Variants in PIK3R1 observed in about 807,000 individuals in gnomAD.
The protein encoded by PIK3R1 is phosphoinositide-3-kinase regulatory subunit 1, also known as phosphatidylinositol 3-kinase regulatory subunit alpha.
PIK3R1 carries 29 observed loss-of-function variants against 98.0 expected under a neutral mutation model. The ratio of observed to expected loss-of-function variants is 0.30; its 90% CI spans 0.22 to 0.40. PIK3R1 has a LOEUF of 0.40. PIK3R1 is among the 10% of genes least tolerant of loss of function. The pLI is 1.00. For synonymous variants in PIK3R1, 282 were observed against 311.8 expected (o/e 0.90, Z 1.01); for missense variants, 596 against 872.7 (o/e 0.68, Z 3.99).
At chr5:68,292,936 A>G (rs527532527) in intron 8 of PIK3R1, 165 bp from the exon 9 acceptor site, 1 of 679,044 alleles carries the variant, frequency 1.5e-6, no homozygotes, top group East Asian at 2.8e-5. Flanking sequence ...AATGCAATTC[A>G]TTAATTTAAA....
chr5:68,241,733 T>C (rs921834085), intron 2 of PIK3R1, among the ~76,000 whole-genome samples: 1 of 152,222 alleles, frequency 6.6e-6, no homozygotes, highest in African/African-American at 2.4e-5. Context: ...GATGGGTGCT[T>C]CCCAGCACCA....
intron 2 of PIK3R1, among the ~76,000 whole-genome samples, chr5:68,250,920 A>G (rs180875037): frequency 6.6e-6 from 1 of 152,350 alleles, no homozygotes; most frequent in African/African-American, 2.4e-5. Context: ...TGAGCTCAAG[A>G]GGAAGCCTAA....
At chr5:68,239,095 C>T (rs1051641947) in intron 2 of PIK3R1, among the ~76,000 whole-genome samples, 48 of 152,052 alleles carry the variant, frequency 3.2e-4, no homozygotes, top group African/African-American at 1.0e-3. Flanking sequence ...GAGAGGCATT[C>T]GTTGATAAGC....
At chr5:68,293,556 A>G (rs768067642) in intron 10 of PIK3R1, 73 bp downstream of exon 10, 29 of 1,308,922 alleles carry the variant, frequency 2.2e-5, no homozygotes, top group Non-Finnish European at 2.6e-5. Flanking sequence ...AAAACATTTG[A>G]AGCAGATGAA....
At chr5:68,248,826 T>C (rs529924523) in intron 2 of PIK3R1, among the ~76,000 whole-genome samples, 16 of 152,288 alleles carry the variant, frequency 1.1e-4, no homozygotes, top group African/African-American at 3.9e-4. Flanking sequence ...AAGCAACATA[T>C]TGATGAATTT....
In PIK3R1 at chr5:68,298,916, G is replaced by A. The variant is rs1228539225; in HGVS notation, c.*1315G>A. On this transcript the variant is annotated 3_prime_UTR_variant, in exon 16 of 16. Transcript: ENST00000521381. ...TGTATCAAGTGGGGTGGTGGGAGGG[G>A]GAGGCAAGGTTATATGCACTTTCTC... is the stretch of plus-strand genomic sequence containing the variant. 1.3e-5 allele frequency: 3 copies of A among 233,204 alleles called. No homozygotes were observed. Among genetic ancestry groups the A allele is most frequent in the Non-Finnish European group, 2.5e-5 (3 of 117,914 alleles). The allele number at this position is 233,204 out of a possible 1,614,324, so 14.4% of individuals were successfully genotyped here. A position where few individuals can be genotyped will look rare whatever the true frequency, so the allele number is the denominator to read the frequency against.
intron 4 of PIK3R1, among the ~76,000 whole-genome samples, chr5:68,275,540 T>C (rs1746536036): frequency 6.6e-6 from 1 of 151,482 alleles, no homozygotes; most frequent in African/African-American, 2.4e-5. Flanking sequence ...AAAAAACTCT[T>C]CACACCACTC....
At position 68,294,691 on chromosome 5, in the gene PIK3R1, C is replaced by T. The variant is rs779251252; in HGVS notation, c.1568+13C>T. Reference sequence around the variant, plus strand: ...AAGAAATACAAAGGTTGGTGTTTCCCTTGTTCTTGTGCTAGAGATAACCAA... The same window carrying T: ...AAGAAATACAAAGGTTGGTGTTTCCTTTGTTCTTGTGCTAGAGATAACCAA... On this transcript the variant is annotated intron_variant, in intron 12 of 15. Coordinates refer to ENST00000521381, the MANE Select transcript of PIK3R1 (RefSeq NM_181523.3). 12 of 1,588,640 alleles carry T rather than the reference C, an allele frequency of 7.6e-6. No individual in the cohort carries two copies. Among genetic ancestry groups the T allele is most frequent in the Non-Finnish European group, 1.0e-5 (12 of 1,170,794 alleles).
chr5:68,274,123 TA>T (rs1243706212), intron 4 of PIK3R1, 110 bp downstream of exon 4: 1 of 843,366 alleles, frequency 1.2e-6, no homozygotes, highest in Non-Finnish European at 2.0e-6. Context: ...GTTCTAAATT[TA>T]AAGGGAACTC....
chr5:68,242,244 G>GA (rs928704039), intron 2 of PIK3R1, among the ~76,000 whole-genome samples: 4 of 152,192 alleles, frequency 2.6e-5, no homozygotes, highest in Non-Finnish European at 5.9e-5. Context: ...TCTTTGCATA[G>GA]AGGAAAGAAA....
At chr5:68,258,926 C>T (rs1336430004) in intron 2 of PIK3R1, among the ~76,000 whole-genome samples, 1 of 152,176 alleles carries the variant, frequency 6.6e-6, no homozygotes, top group African/African-American at 2.4e-5. Context: ...CTAATACATG[C>T]TAACAGTAAA....
Position 68,297,521 on chromosome 5 carries a change from C to A in PIK3R1, c.2095C>A (p.Gln699Lys). The change falls in exon 16 of 16, where the codon CAA becomes AAA. Residue 699 changes from glutamine to lysine, a missense_variant. By Grantham distance (53) the Gln-to-Lys change is moderately conservative. Around this residue, in one of 3 missense-constraint regions of PIK3R1, gnomAD observed 207 missense variants for 361.4 expected, o/e 0.57. Coordinates refer to ENST00000521381, the MANE Select transcript of PIK3R1 (RefSeq NM_181523.3). ...SSLKELVLHY[Q>K]HTSLVQHNDS... ...TCTGAAAGAACTGGTGCTACATTAC[C>A]AACACACCTCCCTTGTGCAGCACAA... 1 of 1,614,118 alleles carries A rather than the reference C, an allele frequency of 6.2e-7. No homozygotes were observed. The highest frequency in any genetic ancestry group is 8.5e-7 in the Non-Finnish European group (1 of 1,179,962).
chr5:68,220,309 G>A (rs1477791714), intron 1 of PIK3R1, among the ~76,000 whole-genome samples: 1 of 152,138 alleles, frequency 6.6e-6, no homozygotes, highest in African/African-American at 2.4e-5. Flanking sequence ...CAAAAGAAGA[G>A]AGACTTGAAG....
intron 7 of PIK3R1, among the ~76,000 whole-genome samples, chr5:68,286,526 A>C (rs531361213): frequency 6.6e-6 from 1 of 152,344 alleles, no homozygotes; most frequent in African/African-American, 2.4e-5. Flanking sequence ...TTTTAAGCTA[A>C]TAAAGAACAT....
At chr5:68,282,933 T>C (rs1746910728) in intron 7 of PIK3R1, among the ~76,000 whole-genome samples, 1 of 152,240 alleles carries the variant, frequency 6.6e-6, no homozygotes, top group Non-Finnish European at 1.5e-5. Flanking sequence ...ATGGCTGTTT[T>C]AGTGTCTCTC....
At chr5:68,240,206 T>C (rs1253521174) in intron 2 of PIK3R1, among the ~76,000 whole-genome samples, 1 of 152,066 alleles carries the variant, frequency 6.6e-6, no homozygotes, top group African/African-American at 2.4e-5. Context: ...AGAAAAGCCA[T>C]TATTGGGTAC....
intron 4 of PIK3R1, 103 bp downstream of exon 4, chr5:68,274,116 C>G: frequency 1.1e-6 from 1 of 901,542 alleles, no homozygotes; most frequent in Non-Finnish European, 1.8e-6. Context: ...ATGCAGTGTT[C>G]TAAATTTAAA....
chr5:68,263,210 T>TAC (rs202067762), intron 2 of PIK3R1, among the ~76,000 whole-genome samples: 1,324 of 126,584 alleles, frequency 0.01, 58 homozygotes, highest in African/African-American at 0.02. Flanking sequence ...TATCTATATA[T>TAC]ATATTTCTAC....
intron 2 of PIK3R1, among the ~76,000 whole-genome samples, chr5:68,228,192 T>C (rs1418237839): frequency 6.6e-6 from 1 of 152,256 alleles, no homozygotes; most frequent in African/African-American, 2.4e-5. Flanking sequence ...GAGATTCTGA[T>C]ACCACTAGTA....
Sources: gnomAD v4.1 joint callset for allele counts (sites outside exome capture counted in the v4.1 genomes callset) on GRCh38, gnomAD v4.1.1 for gene constraint, gnomAD v4.1.1 regional missense constraint, MANE v1.5 for transcripts, NCBI Gene and HGNC (gene_info 2026-07-23, HGNC 2026-07-21) for gene names.